The following C4BPA variants were observed in gnomAD, a reference collection of about 807,000 sequenced individuals.
The protein encoded by C4BPA is complement component 4 binding protein alpha.
In C4BPA, 31 loss-of-function variants were observed where a neutral mutation model predicts 63.7. That is an observed-to-expected ratio of 0.49 (90% CI 0.37 to 0.66). The LOEUF is 0.66. Among genes scored for constraint, C4BPA ranks in the 30% least tolerant of loss-of-function variants. C4BPA has a pLI of 0.00. For missense variants in C4BPA, 572 were observed against 723.3 expected (o/e 0.79, Z 2.40); for synonymous variants, 259 against 254.7 (o/e 1.02, Z -0.16).
At chr1:207,120,275 G>A (rs928426149) in intron 4 of C4BPA, among the ~76,000 whole-genome samples, 2 of 152,096 alleles carry the variant, frequency 1.3e-5, no homozygotes, top group Middle Eastern at 3.4e-3. Flanking sequence ...TTTGATTTTC[G>A]GGTAAACAAC....
chr1:207,106,203 G>C, intron 1 of C4BPA, among the ~76,000 whole-genome samples: 1 of 152,148 alleles, frequency 6.6e-6, no homozygotes, highest in East Asian at 1.9e-4. Context: ...ACCAGGAGTA[G>C]TTATGGTGAA....
intron 8 of C4BPA, among the ~76,000 whole-genome samples, chr1:207,134,154 A>G (rs1443651277): frequency 6.6e-6 from 1 of 152,150 alleles, no homozygotes; most frequent in Non-Finnish European, 1.5e-5. Flanking sequence ...GGCTCTTCAT[A>G]TAAGTTTAAT....
At chr1:207,144,039 A>T in intron 11 of C4BPA, 46 bp downstream of exon 11, 1 of 1,431,282 alleles carries the variant, frequency 7.0e-7, no homozygotes, top group Non-Finnish European at 9.5e-7. Context: ...GACCCCTAAA[A>T]ATGGTGGCAT....
At chr1:207,127,101 G>A (rs1223349423) in intron 7 of C4BPA, 1 of 431,618 alleles carries the variant, frequency 2.3e-6, no homozygotes, top group Admixed American at 4.1e-5. Context: ...ACACAAAACT[G>A]CCACATACCA....
intron 10 of C4BPA, among the ~76,000 whole-genome samples, chr1:207,142,950 T>A (rs780502904): frequency 2.0e-5 from 3 of 152,068 alleles, no homozygotes; most frequent in Non-Finnish European, 2.9e-5. Context: ...GATCTAGAAC[T>A]AAAATACGAT....
At chr1:207,111,592 C>T (rs930656604) in intron 1 of C4BPA, among the ~76,000 whole-genome samples, 1 of 152,192 alleles carries the variant, frequency 6.6e-6, no homozygotes, top group African/African-American at 2.4e-5. Flanking sequence ...TTCTCCCACA[C>T]AGTTTCTCTC....
intron 1 of C4BPA, chr1:207,112,759 C>G: frequency 2.4e-6 from 1 of 410,222 alleles, no homozygotes; most frequent in Non-Finnish European, 4.3e-6. Flanking sequence ...CAGATGCAGT[C>G]TCCTCTGCAA....
Position 207,143,877 on chromosome 1 carries a change from G to A in C4BPA, c.1504G>A (p.Val502Ile), listed in dbSNP as rs778514305. The A allele has an allele frequency of 1.2e-5, 19 of 1,613,238 alleles. No homozygotes were observed. The highest frequency in any genetic ancestry group is 4.4e-5 in the South Asian group (4 of 91,028). The stretch of plus-strand genomic sequence containing the variant: ...GTTGTCTGTGGATAAGGATCAGTAT[G>A]TTGAGCCTGAAAATGTCACCATCCA... Reference protein sequence around the residue: ...GRLSVDKDQYVEPENVTIQCD... With the variant: ...GRLSVDKDQYIEPENVTIQCD... The change falls in exon 11 of 12, where the codon GTT becomes ATT. Residue 502 changes from valine (V) to isoleucine (I), a missense_variant. Transcript: ENST00000367070.
chr1:207,144,009 C>T lies in C4BPA; in HGVS notation c.1620+16C>T. 2 of 1,548,016 alleles carry T rather than the reference C, an allele frequency of 1.3e-6. No individual in the cohort carries two copies. Among genetic ancestry groups the T allele is most frequent in the Non-Finnish European group, 1.7e-6 (2 of 1,150,284 alleles). On this transcript the variant is annotated intron_variant, in intron 11 of 11. Coordinates refer to ENST00000367070, the MANE Select transcript of C4BPA (RefSeq NM_000715.4). Reference sequence around the variant, plus strand: ...GTGTGAGTGGGTAAGTGGCACAATTCAAGGAAGTTCTGTGCTGTCGACCCC... The same window carrying T: ...GTGTGAGTGGGTAAGTGGCACAATTTAAGGAAGTTCTGTGCTGTCGACCCC...
chr1:207,142,394 CTT>C (rs1685438322), intron 10 of C4BPA, among the ~76,000 whole-genome samples: 1 of 152,112 alleles, frequency 6.6e-6, no homozygotes, highest in Admixed American at 6.5e-5. Flanking sequence ...GTGCATGTGT[CTT>C]TATCATAGAA....
chr1:207,132,950 A>G (rs1281165321), intron 8 of C4BPA, among the ~76,000 whole-genome samples: 1 of 152,180 alleles, frequency 6.6e-6, no homozygotes. Flanking sequence ...ACTTGAGGCT[A>G]AGAGGCCAAA....
At chr1:207,136,843 A>C (rs972726368) in intron 9 of C4BPA, among the ~76,000 whole-genome samples, 1 of 152,134 alleles carries the variant, frequency 6.6e-6, no homozygotes, top group Non-Finnish European at 1.5e-5. Context: ...CCCTCCCCCT[A>C]CTAGAGCAAG....
rs760778097 is a variant in C4BPA, at chr1:207,141,216, G to A, written c.1384G>A (p.Gly462Arg). 7.4e-6 allele frequency: 12 copies of A among 1,613,538 alleles called. No individual in the cohort carries two copies. Among genetic ancestry groups the A allele is most frequent in the Non-Finnish European group, 7.6e-6 (9 of 1,179,772 alleles). The change falls in exon 10 of 12, where the codon GGA becomes AGA. Residue 462 changes from glycine (G) to arginine (R), a missense_variant. By Grantham distance (125) the Gly-to-Arg change is moderately radical. Transcript: ENST00000367070. ...ATGTGATAAAGGCTACATTCTGGTC[G>A]GACAGGCGAAACTCTCCTGCAGTTA... ...YECDKGYILV[G>R]QAKLSCSYSH...
At chr1:207,114,048 T>C in intron 2 of C4BPA, 52 bp from the exon 3 acceptor site, 1 of 1,448,326 alleles carries the variant, frequency 6.9e-7, no homozygotes, top group Non-Finnish European at 9.5e-7. Flanking sequence ...AACAATAAGA[T>C]GCTGTGTCCC....
chr1:207,114,058 C>T, intron 2 of C4BPA, 42 bp from the exon 3 acceptor site: 2 of 1,541,412 alleles, frequency 1.3e-6, no homozygotes, highest in Non-Finnish European at 8.9e-7. Flanking sequence ...TGCTGTGTCC[C>T]AAGGTATAAG....
At chr1:207,106,860 A>C (rs1477424169) in intron 1 of C4BPA, among the ~76,000 whole-genome samples, 1 of 152,248 alleles carries the variant, frequency 6.6e-6, no homozygotes, top group Non-Finnish European at 1.5e-5. Flanking sequence ...TGCATCTGCA[A>C]AAAAGCAGAT....
chr1:207,135,474 C>A (rs1285895980), intron 9 of C4BPA, among the ~76,000 whole-genome samples: 1 of 152,156 alleles, frequency 6.6e-6, no homozygotes, highest in Non-Finnish European at 1.5e-5. Context: ...GCAGCTTATC[C>A]ATCAATAGGA....
intron 10 of C4BPA, 102 bp from the exon 11 acceptor site, chr1:207,143,716 C>T (rs1020083223): frequency 2.5e-6 from 2 of 789,014 alleles, no homozygotes; most frequent in Admixed American, 5.0e-5. Flanking sequence ...AAAGATAGAA[C>T]AATTAGCAGA....
Position 207,113,011 on chromosome 1 carries a change from G to A in C4BPA, c.-15G>A. ...GAGTTCTTTCAGCAGAAAAACATCA[G>A]CGAAGCAGCAGGCCATGCACCCCCC... On this transcript the variant is annotated 5_prime_UTR_variant, in exon 2 of 12. Coordinates refer to ENST00000367070, the MANE Select transcript of C4BPA (RefSeq NM_000715.4). 1.9e-6 allele frequency: 3 copies of A among 1,559,644 alleles called. No homozygotes were observed. Among genetic ancestry groups the A allele is most frequent in the Non-Finnish European group, 2.6e-6 (3 of 1,161,588 alleles).
Sources: allele counts gnomAD v4.1 joint callset (sites outside exome capture counted in the v4.1 genomes callset), GRCh38; gene constraint gnomAD v4.1.1; transcripts MANE v1.5; gene names NCBI Gene and HGNC (gene_info 2026-07-23, HGNC 2026-07-21).